The following YAF2 variants were observed in gnomAD, a reference collection of about 807,000 sequenced individuals.
YAF2 encodes YY1-associated factor 2.
YAF2 carries 7 observed loss-of-function variants against 20.1 expected under a neutral mutation model. The ratio of observed to expected loss-of-function variants is 0.35; its 90% CI spans 0.20 to 0.65. YAF2 has a LOEUF of 0.65. Among genes scored for constraint, YAF2 ranks in the 30% least tolerant of loss-of-function variants. YAF2 has a pLI of 0.69. For synonymous variants in YAF2, 74 were observed against 76.0 expected, an observed-to-expected ratio of 0.97 and a Z score of 0.14; for missense variants, 151 against 219.2, an observed-to-expected ratio of 0.69 and a Z score of 1.96.
intron 2 of YAF2, among the ~76,000 whole-genome samples, chr12:42,209,634 C>T (rs1002931615): frequency 2.0e-5 from 3 of 148,684 alleles, no homozygotes; most frequent in Non-Finnish European, 4.5e-5. Flanking sequence ...GTCAGTACTA[C>T]TGTGCCAAAA....
At chr12:42,194,705 C>G (rs568392830) in intron 2 of YAF2, among the ~76,000 whole-genome samples, 7 of 152,268 alleles carry the variant, frequency 4.6e-5, no homozygotes, top group Non-Finnish European at 7.4e-5. Context: ...TGGTGTTGTA[C>G]AGTTACTCAC....
intron 2 of YAF2, among the ~76,000 whole-genome samples, chr12:42,182,355 TG>T (rs1185391393): frequency 6.6e-6 from 1 of 152,048 alleles, no homozygotes; most frequent in Non-Finnish European, 1.5e-5. Flanking sequence ...GCTTTACAGT[TG>T]GAACAAAACA....
chr12:42,160,707 G>C lies in YAF2; in HGVS notation c.425C>G (p.Ala142Gly), dbSNP rs749438975. The C allele has an allele frequency of 6.2e-7, 1 of 1,613,704 alleles. No homozygotes were observed. The highest frequency in any genetic ancestry group is 8.5e-7 in the Non-Finnish European group (1 of 1,179,824). Residue 142 changes from alanine (A) to glycine (G), a missense_variant, in exon 4 of 4, where the codon GCT (alanine) becomes GGT (glycine). By Grantham distance (60) the Ala-to-Gly change is moderately conservative. Around this residue, in one of 3 missense-constraint regions of YAF2, gnomAD observed 51 missense variants for 48.9 expected, o/e 1.04. Transcript: ENST00000534854. ...EKTKSPPASS[A>G]ASADQHSQSG... Reference sequence around the variant, plus strand: ...TTGACTGTGTTGATCTGCAGAAGCAGCACTAGATGCAGGCGGTGACTTTGT... The same window carrying C: ...TTGACTGTGTTGATCTGCAGAAGCACCACTAGATGCAGGCGGTGACTTTGT...
intron 2 of YAF2, among the ~76,000 whole-genome samples, chr12:42,207,255 A>G (rs2067070208): frequency 6.6e-6 from 1 of 152,226 alleles, no homozygotes; most frequent in Non-Finnish European, 1.5e-5. Context: ...GATTGGACAA[A>G]CTGCTTTCTG....
At chr12:42,221,490 T>A (rs1383368311) in intron 2 of YAF2, among the ~76,000 whole-genome samples, 2 of 152,108 alleles carry the variant, frequency 1.3e-5, no homozygotes, top group African/African-American at 4.8e-5. Context: ...GCCCAGGAGT[T>A]TGAAGTTATA....
intron 2 of YAF2, among the ~76,000 whole-genome samples, chr12:42,194,849 T>C (rs1306214425): frequency 2.6e-5 from 4 of 152,180 alleles, no homozygotes; most frequent in Admixed American, 1.3e-4. Flanking sequence ...TTGCATAAGT[T>C]TGAGATGTCT....
chr12:42,210,689 A>T (rs1445847614), intron 2 of YAF2: 1 of 1,530,326 alleles, frequency 6.5e-7, no homozygotes, highest in Admixed American at 2.0e-5. Context: ...CTCTATCAGA[A>T]TAAGAAGATT....
At chr12:42,203,546 A>G (rs965394559) in intron 2 of YAF2, among the ~76,000 whole-genome samples, 7 of 148,658 alleles carry the variant, frequency 4.7e-5, no homozygotes, top group Middle Eastern at 3.4e-3. Flanking sequence ...TTACTGTAAG[A>G]AAAAAAAAGC....
intron 2 of YAF2, among the ~76,000 whole-genome samples, chr12:42,171,678 G>T (rs2066052817): frequency 6.6e-6 from 1 of 152,078 alleles, no homozygotes; most frequent in Non-Finnish European, 1.5e-5. Flanking sequence ...ATCTGGCTGG[G>T]CGTGGTAGCT....
intron 2 of YAF2, among the ~76,000 whole-genome samples, chr12:42,171,290 C>T (rs1206827527): frequency 6.6e-6 from 1 of 152,146 alleles, no homozygotes; most frequent in Non-Finnish European, 1.5e-5. Context: ...CACACCCAGC[C>T]AGAACTGTTT....
At chr12:42,196,778 C>T (rs1035935342) in intron 2 of YAF2, among the ~76,000 whole-genome samples, 2 of 152,062 alleles carry the variant, frequency 1.3e-5, no homozygotes, top group Non-Finnish European at 2.9e-5. Flanking sequence ...TAATGATAGC[C>T]ATTAAATTTC....
At chr12:42,163,981 G>A (rs2065855709) in intron 2 of YAF2, among the ~76,000 whole-genome samples, 2 of 152,154 alleles carry the variant, frequency 1.3e-5, no homozygotes, top group Admixed American at 1.3e-4. Context: ...AGGAAATAAA[G>A]GGCAGAGTAT....
At chr12:42,205,833 C>G (rs755172994) in intron 2 of YAF2, 1 of 353,452 alleles carries the variant, frequency 2.8e-6, no homozygotes, top group South Asian at 2.3e-5. Flanking sequence ...ATAAATTTAT[C>G]CCCAAGTACC....
intron 2 of YAF2, among the ~76,000 whole-genome samples, chr12:42,184,361 G>A (rs2066419090): frequency 6.6e-6 from 1 of 152,144 alleles, no homozygotes; most frequent in Non-Finnish European, 1.5e-5. Flanking sequence ...CCAGGCTGGA[G>A]TGCAGTGGTG....
At chr12:42,171,711 T>C (rs2066054179) in intron 2 of YAF2, among the ~76,000 whole-genome samples, 1 of 151,502 alleles carries the variant, frequency 6.6e-6, no homozygotes, top group Admixed American at 6.6e-5. Context: ...CCTAACACTT[T>C]GGAAAACTGA....
At chr12:42,184,238 C>A (rs1309934966) in intron 2 of YAF2, among the ~76,000 whole-genome samples, 1 of 152,220 alleles carries the variant, frequency 6.6e-6, no homozygotes, top group Non-Finnish European at 1.5e-5. Flanking sequence ...TTAATGTTTT[C>A]ATGCCTGCTA....
intron 2 of YAF2, among the ~76,000 whole-genome samples, chr12:42,205,327 C>G (rs1372400466): frequency 1.3e-5 from 2 of 151,544 alleles, no homozygotes; most frequent in East Asian, 3.9e-4. Flanking sequence ...CAACTGCAAA[C>G]AACCAGCTTT....
intron 2 of YAF2, among the ~76,000 whole-genome samples, chr12:42,193,544 C>G (rs1410826229): frequency 6.6e-6 from 1 of 152,044 alleles, no homozygotes; most frequent in Non-Finnish European, 1.5e-5. Context: ...CACTCTGTCA[C>G]TCAGGCTAGA....
At chr12:42,207,464 AATT>A (rs1435814149) in intron 2 of YAF2, among the ~76,000 whole-genome samples, 2 of 131,112 alleles carry the variant, frequency 1.5e-5, no homozygotes, top group African/African-American at 2.6e-5. Flanking sequence ...CCACAAGATA[AATT>A]ATTAATAATA....
Sources: gnomAD v4.1 joint callset for allele counts (sites outside exome capture counted in the v4.1 genomes callset) on GRCh38, gnomAD v4.1.1 for gene constraint, gnomAD v4.1.1 regional missense constraint, MANE v1.5 for transcripts, NCBI Gene and HGNC (gene_info 2026-07-23, HGNC 2026-07-21) for gene names.